The following NEK10 variants were observed in gnomAD, a reference collection of about 807,000 sequenced individuals.
The protein encoded by NEK10 is NIMA related kinase 10, also known as serine/threonine-protein kinase Nek10.
A neutral mutation model predicts 159.8 loss-of-function variants in NEK10; 122 were observed. That is an observed-to-expected ratio of 0.76 (90% confidence interval 0.66 to 0.89). The LOEUF is 0.89. Among genes scored for constraint, NEK10 ranks in the 40% least tolerant of loss-of-function variants. The pLI is 0.00. For missense variants in NEK10, 1,342 were observed against 1,323.1 expected, an observed-to-expected ratio of 1.01 and a Z score of -0.22; for synonymous variants, 466 against 457.1, an observed-to-expected ratio of 1.02 and a Z score of -0.25.
chr3:27,202,582 A>G, intron 23 of NEK10, 25 bp from the exon 24 acceptor site: 1 of 1,572,366 alleles, frequency 6.4e-7, no homozygotes, highest in Non-Finnish European at 8.7e-7. Flanking sequence ...GGACATTAAT[A>G]CATGCTAAGG....
intron 5 of NEK10, among the ~76,000 whole-genome samples, chr3:27,342,444 G>T (rs1412067538): frequency 6.6e-6 from 1 of 152,166 alleles, no homozygotes; most frequent in African/African-American, 2.4e-5. Context: ...ATAACAAGCT[G>T]TCAGCAGCCA....
intron 26 of NEK10, among the ~76,000 whole-genome samples, chr3:27,187,976 A>G (rs1462214587): frequency 2.6e-5 from 4 of 152,112 alleles, no homozygotes; most frequent in Admixed American, 6.5e-5. Flanking sequence ...AGCAGACCCA[A>G]TTTTTGGTCC....
chr3:27,204,301 G>GT (rs567092116), intron 23 of NEK10, among the ~76,000 whole-genome samples: 246 of 66,328 alleles, frequency 3.7e-3, no homozygotes, highest in Middle Eastern at 0.015. Flanking sequence ...TTTTGTTGTT[G>GT]TTTTTTTTTT....
At chr3:27,306,503 A>G (rs1445853857) in intron 11 of NEK10, among the ~76,000 whole-genome samples, 2 of 152,260 alleles carry the variant, frequency 1.3e-5, no homozygotes, top group East Asian at 1.9e-4. Context: ...CAATGTGTGG[A>G]TATAAACAAA....
intron 3 of NEK10, among the ~76,000 whole-genome samples, chr3:27,349,089 C>T (rs1461241835): frequency 6.6e-6 from 1 of 152,030 alleles, no homozygotes; most frequent in Non-Finnish European, 1.5e-5. Flanking sequence ...AAGGGGGTTG[C>T]AGTCCATGGA....
At chr3:27,125,301 T>C (rs1275671730) in intron 32 of NEK10, among the ~76,000 whole-genome samples, 4 of 152,174 alleles carry the variant, frequency 2.6e-5, no homozygotes, top group African/African-American at 9.7e-5. Flanking sequence ...ATCTTTTTCA[T>C]ATGATAAAAT....
intron 35 of NEK10, among the ~76,000 whole-genome samples, chr3:27,113,996 C>T (rs553867327): frequency 2.0e-5 from 3 of 152,066 alleles, no homozygotes; most frequent in Non-Finnish European, 4.4e-5. Context: ...TAATGAGGCT[C>T]ACAGTTAAAA....
At chr3:27,137,542 T>G (rs1456416903) in intron 31 of NEK10, among the ~76,000 whole-genome samples, 2 of 152,226 alleles carry the variant, frequency 1.3e-5, no homozygotes, top group African/African-American at 4.8e-5. Context: ...AGTATTTAAA[T>G]GGACATGCAT....
intron 9 of NEK10, chr3:27,309,971 A>G (rs1338331738): frequency 6.6e-6 from 1 of 152,250 alleles, no homozygotes; most frequent in African/African-American, 2.4e-5. Context: ...CTTATTTGGA[A>G]AATTCTCTAC....
chr3:27,234,529 T>C (rs113133100), intron 23 of NEK10, among the ~76,000 whole-genome samples: 90 of 152,010 alleles, frequency 5.9e-4, no homozygotes, highest in African/African-American at 2.1e-3. Context: ...ACAAAAAGAA[T>C]AAAATACCTA....
chr3:27,225,122 A>G (rs745741), intron 23 of NEK10, among the ~76,000 whole-genome samples: 14,217 of 152,200 alleles, frequency 0.093, 2,187 homozygotes, highest in African/African-American at 0.32. Context: ...TTCCAAAACT[A>G]AAGAACTTGG....
intron 30 of NEK10, among the ~76,000 whole-genome samples, chr3:27,157,072 A>G (rs1018759566): frequency 1.3e-5 from 2 of 150,200 alleles, no homozygotes; most frequent in Non-Finnish European, 3.0e-5. Flanking sequence ...AAGTGAAGTA[A>G]CTCAGGAATG....
At chr3:27,160,248 G>A (rs751371498) in intron 30 of NEK10, among the ~76,000 whole-genome samples, 10 of 152,142 alleles carry the variant, frequency 6.6e-5, no homozygotes, top group African/African-American at 9.7e-5. Context: ...CTACTTTATT[G>A]TTGGACTACC....
chr3:27,200,651 G>A (rs1195613433), intron 25 of NEK10, among the ~76,000 whole-genome samples: 1 of 152,134 alleles, frequency 6.6e-6, no homozygotes, highest in Non-Finnish European at 1.5e-5. Context: ...AGAGACAGAC[G>A]ATAAACAAAA....
At chr3:27,238,179 A>T (rs1954152799) in intron 23 of NEK10, among the ~76,000 whole-genome samples, 2 of 152,232 alleles carry the variant, frequency 1.3e-5, no homozygotes, top group Admixed American at 1.3e-4. Context: ...AATAATTTGC[A>T]TATCTAAAAA....
In NEK10 at chr3:27,344,449, C is replaced by T. The variant is rs543194318; in HGVS notation, c.264-79G>A. ...AGTTGCCAGTGCAGACAAAGATCAT[C>T]TATATTCAGGTAACATTTTTATTAT... is the stretch of plus-strand genomic sequence containing the variant. On this transcript the variant is annotated intron_variant, in intron 4 of 35. Transcript: ENST00000691995. The T allele has an allele frequency of 4.3e-6, 3 of 695,998 alleles. No individual in the cohort carries two copies. The Admixed American group carries it at 7.3e-5, about 17-fold the overall frequency. The allele number at this position is 695,998 out of a possible 1,614,324, so 43.1% of individuals were successfully genotyped here. A position where few individuals can be genotyped will look rare whatever the true frequency, so the allele number is the denominator to read the frequency against.
intron 25 of NEK10, among the ~76,000 whole-genome samples, chr3:27,195,842 A>G (rs1949510653): frequency 6.6e-6 from 1 of 152,174 alleles, no homozygotes; most frequent in Non-Finnish European, 1.5e-5. Flanking sequence ...TGCTTTATAA[A>G]CTTCATTCTG....
At chr3:27,328,860 C>T (rs1299793052) in intron 5 of NEK10, among the ~76,000 whole-genome samples, 1 of 152,134 alleles carries the variant, frequency 6.6e-6, no homozygotes, top group Admixed American at 6.5e-5. Context: ...AAAACTGAGG[C>T]ATTCTCACAC....
intron 23 of NEK10, among the ~76,000 whole-genome samples, chr3:27,230,568 C>T (rs1008157857): frequency 9.2e-5 from 14 of 151,872 alleles, no homozygotes; most frequent in Non-Finnish European, 1.3e-4. Flanking sequence ...TTAAAAAATA[C>T]GGAATAGCAG....
Sources: gnomAD v4.1 joint callset for allele counts (sites outside exome capture counted in the v4.1 genomes callset) on GRCh38, gnomAD v4.1.1 for gene constraint, MANE v1.5 for transcripts, NCBI Gene and HGNC (gene_info 2026-07-23, HGNC 2026-07-21) for gene names.